Variants in SLC18B1 observed in about 807,000 individuals in gnomAD.
SLC18B1 encodes solute carrier family 18 member B1.
A neutral mutation model predicts 53.9 loss-of-function variants in SLC18B1; 62 were observed. The ratio of observed to expected loss-of-function variants is 1.15; its 90% CI spans 0.94 to 1.42. The LOEUF (loss-of-function observed/expected upper bound fraction) is 1.42. Among genes scored for constraint, SLC18B1 ranks in the 40% most tolerant of loss-of-function variants. The pLI, the probability that SLC18B1 is intolerant of heterozygous loss-of-function variation, is 0.00. For synonymous variants in SLC18B1, 217 were observed against 200.9 expected, an observed-to-expected ratio of 1.08 and a Z score of -0.68; for missense variants, 598 against 547.3, an observed-to-expected ratio of 1.09 and a Z score of -0.93.
At chr6:132,793,663 T>TA (rs1240579900) in intron 2 of SLC18B1, among the ~76,000 whole-genome samples, 4 of 152,188 alleles carry the variant, frequency 2.6e-5, no homozygotes, top group African/African-American at 4.8e-5. Flanking sequence ...ACACATAAGA[T>TA]AACATCTAAC....
chr6:132,772,298 G>A lies in SLC18B1; in HGVS notation c.1086-92C>T, dbSNP rs183226341. 1.8e-3 allele frequency: 1,297 copies of A among 712,332 alleles called. 14 individuals are homozygous for A. The highest frequency in any genetic ancestry group is 8.8e-3 in the Middle Eastern group (33 of 3,750). 44.1% of individuals were successfully genotyped at this position (712,332 alleles called of 1,614,324 possible). A position where few individuals can be genotyped will look rare whatever the true frequency, so the allele number is the denominator to read the frequency against. On this transcript the variant is annotated intron_variant, in intron 10 of 13. Transcript: ENST00000275227. ...GATAGATCAATTAAGATAAACCAAG[G>A]ATAATCTGGAAAAAAACCAACAGCA...
chr6:132,776,409 A>C lies in SLC18B1; in HGVS notation c.816T>G (p.Tyr272Ter). The change falls in exon 8 of 14, where the codon TAT becomes TAG. Residue 272 changes from tyrosine to a stop codon, truncating the protein, a stop_gained. Coordinates refer to ENST00000275227, the MANE Select transcript of SLC18B1 (RefSeq NM_052831.3). LOFTEE classifies it high-confidence loss of function. ...VLEKFNLPAG[Y>*]VGLVFLGMAL... is the part of the protein sequence containing the mutation. Reference sequence around the variant, plus strand: ...CCATACCCAGGAATACTAGTCCCACATATCCAGCTGGTAAATTGAACTGTA... The same window carrying C: ...CCATACCCAGGAATACTAGTCCCACCTATCCAGCTGGTAAATTGAACTGTA... 1 of 1,613,384 alleles carries C rather than the reference A, an allele frequency of 6.2e-7. No individual in the cohort carries two copies. Among genetic ancestry groups the C allele is most frequent in the Non-Finnish European group, 8.5e-7 (1 of 1,179,646 alleles).
At position 132,787,522 on chromosome 6, in the gene SLC18B1, A is replaced by G. The variant is rs754222778; in HGVS notation, c.413T>C (p.Val138Ala). The change falls in exon 5 of 14, where the codon GTA becomes GCA. Residue 138 changes from valine (V) to alanine (A), a missense_variant. Transcript: ENST00000275227. ...TGCAGCAAAGCTAACTGCATCCATT[A>G]CTCTCACTAGAAAACACATAGCAAT... is the stretch of plus-strand genomic sequence containing the variant. ...VFIAMCFLVRVMDAVSFAAAM... is the reference protein window; with the variant it reads ...VFIAMCFLVRAMDAVSFAAAM... 3 of 1,610,298 alleles carry G rather than the reference A, an allele frequency of 1.9e-6. No individual in the cohort carries two copies. The East Asian group carries it at 6.7e-5, about 36-fold the overall frequency.
At chr6:132,773,739 T>C (rs1426857583) in intron 9 of SLC18B1, among the ~76,000 whole-genome samples, 6 of 152,098 alleles carry the variant, frequency 3.9e-5, no homozygotes, top group Admixed American at 6.5e-5. Flanking sequence ...CAGAAGTACC[T>C]GAAAAGGTCT....
At position 132,776,441 on chromosome 6, in the gene SLC18B1, A is replaced by G. The variant is rs776283969; in HGVS notation, c.796-12T>C. ...GCTGGTAAATTGAACTGTAAAAGAA[A>G]TCCTATATTAAAGTTACATAATTAA... On this transcript the variant is annotated splice_polypyrimidine_tract_variant and intron_variant, in intron 7 of 13. Transcript: ENST00000275227. The G allele has an allele frequency of 6.3e-7, 1 of 1,593,400 alleles. No homozygotes were observed. The highest frequency in any genetic ancestry group is 1.1e-5 in the South Asian group (1 of 89,522).
At chr6:132,782,080 C>T (rs967221607) in intron 6 of SLC18B1, among the ~76,000 whole-genome samples, 1 of 151,156 alleles carries the variant, frequency 6.6e-6, no homozygotes, top group African/African-American at 2.4e-5. Context: ...CCCAGCTACT[C>T]GGGAGGCTGA....
At chr6:132,797,624 A>AAAC (rs1394866998) in intron 1 of SLC18B1, among the ~76,000 whole-genome samples, 1 of 136,692 alleles carries the variant, frequency 7.3e-6, no homozygotes, top group Non-Finnish European at 1.7e-5. Context: ...ACAAACAAAC[A>AAAC]AAAACAAAAA....
chr6:132,787,627 T>C (rs1261409319), intron 4 of SLC18B1, 46 bp from the exon 5 acceptor site: 5 of 1,445,828 alleles, frequency 3.5e-6, no homozygotes, highest in Non-Finnish European at 4.6e-6. Context: ...TGGTTTTCTT[T>C]TTTTTTTTTT....
chr6:132,788,069 G>A (rs929393035), intron 4 of SLC18B1, among the ~76,000 whole-genome samples: 16 of 151,888 alleles, frequency 1.1e-4, no homozygotes, highest in Non-Finnish European at 1.9e-4. Context: ...GCTGAGGCAG[G>A]AGAATGGCAT....
intron 3 of SLC18B1, 24 bp from the exon 4 acceptor site, chr6:132,789,861 T>C (rs777806086): frequency 1.7e-5 from 27 of 1,551,854 alleles, no homozygotes; most frequent in African/African-American, 9.5e-5. Context: ...CAAAGAAGAG[T>C]GGTAAATTTA....
chr6:132,771,493 G>A (rs1201928823), intron 11 of SLC18B1, among the ~76,000 whole-genome samples: 1 of 152,128 alleles, frequency 6.6e-6, no homozygotes, highest in Admixed American at 6.5e-5. Context: ...CCTTCTGGTA[G>A]AAGGTAAAAA....
chr6:132,771,388 C>A (rs1780970987), intron 11 of SLC18B1, among the ~76,000 whole-genome samples: 1 of 152,032 alleles, frequency 6.6e-6, no homozygotes, highest in Non-Finnish European at 1.5e-5. Context: ...AAATATGAAA[C>A]AGATTTAAAA....
At chr6:132,782,077 A>G (rs1781251471) in intron 6 of SLC18B1, among the ~76,000 whole-genome samples, 1 of 151,204 alleles carries the variant, frequency 6.6e-6, no homozygotes, top group Non-Finnish European at 1.5e-5. Context: ...ACTCCCAGCT[A>G]CTCGGGAGGC....
intron 6 of SLC18B1, among the ~76,000 whole-genome samples, chr6:132,780,169 GT>G (rs1309782523): frequency 6.6e-6 from 1 of 151,518 alleles, no homozygotes; most frequent in African/African-American, 2.4e-5. Context: ...TGTTATTACA[GT>G]TTACTGCAGC....
chr6:132,792,253 A>AAGAGAGAGAGAGAGAGAGAGAGAG (rs1313354793), intron 2 of SLC18B1, among the ~76,000 whole-genome samples: 2 of 26,038 alleles, frequency 7.7e-5, no homozygotes, highest in East Asian at 7.2e-4. Flanking sequence ...GAAAGAAAGA[A>AAGAGAGAGAGAGAGAGAGAGAGAG]AGAAAGAAAG....
chr6:132,786,779 C>T (rs567509662), intron 5 of SLC18B1, among the ~76,000 whole-genome samples: 2 of 152,042 alleles, frequency 1.3e-5, no homozygotes, highest in Admixed American at 6.6e-5. Flanking sequence ...GAGAGAGCTA[C>T]GAGGGGAAAG....
At chr6:132,782,910 G>A (rs1356916151) in intron 6 of SLC18B1, among the ~76,000 whole-genome samples, 2 of 151,782 alleles carry the variant, frequency 1.3e-5, no homozygotes, top group African/African-American at 4.8e-5. Context: ...GAGTAGCTGG[G>A]AGTATAGGTA....
Position 132,771,106 on chromosome 6 carries a change from C to T in SLC18B1, c.1184G>A (p.Gly395Asp). ...SIGAFMGPTLGGFLYEKIGFE... is the reference protein window; with the variant it reads ...SIGAFMGPTLDGFLYEKIGFE... ...ACCAATTTTCTCATACAGAAATCCA[C>T]CCAGCGTTGGTCCCATAAAAGCACT... The change falls in exon 12 of 14, where the codon GGT (glycine) becomes GAT (aspartate). Residue 395 changes from glycine to aspartate, a missense_variant. By Grantham distance (94) the Gly-to-Asp change is moderately conservative. Transcript: ENST00000275227. 3.1e-6 allele frequency: 5 copies of T among 1,614,130 alleles called. No homozygotes were observed. In the South Asian group the frequency reaches 5.5e-5, roughly 18 times the overall value.
At chr6:132,770,407 C>A in intron 13 of SLC18B1, 71 bp from the exon 14 acceptor site, 1 of 1,311,726 alleles carries the variant, frequency 7.6e-7, no homozygotes, top group Non-Finnish European at 1.1e-6. Flanking sequence ...AACAAAAAAC[C>A]AGTACCTGTA....
Sources: gnomAD v4.1 joint callset for allele counts (sites outside exome capture counted in the v4.1 genomes callset) on GRCh38, gnomAD v4.1.1 for gene constraint, MANE v1.5 for transcripts, NCBI Gene and HGNC (gene_info 2026-07-23, HGNC 2026-07-21) for gene names.